The following ENTREP2 variants were observed in gnomAD, a reference collection of about 807,000 sequenced individuals.
ENTREP2 encodes the protein protein ENTREP2.
the ENTREP2 span, among the ~76,000 whole-genome samples, chr15:29,262,457 C>A: frequency 1.3e-5 from 2 of 152,218 alleles, no homozygotes; most frequent in African/African-American, 4.8e-5. Flanking sequence ...TTTGTCCAAT[C>A]ACATTTCTGC....
the ENTREP2 span, among the ~76,000 whole-genome samples, chr15:29,238,366 C>T: frequency 6.6e-6 from 1 of 152,148 alleles, no homozygotes; most frequent in African/African-American, 2.4e-5. Context: ...GGCGCGGTAG[C>T]TCACGCCTGT....
the ENTREP2 span, chr15:29,136,463 G>A: frequency 1.3e-6 from 2 of 1,548,434 alleles, no homozygotes; most frequent in East Asian, 4.9e-5. Flanking sequence ...GTCATACAAA[G>A]TGCCGAATGG....
chr15:29,511,883 A>T, the ENTREP2 span, among the ~76,000 whole-genome samples: 1 of 150,214 alleles, frequency 6.7e-6, no homozygotes, highest in African/African-American at 2.5e-5. Context: ...CTGACGTGTT[A>T]TCTATTGTAA....
the ENTREP2 span, among the ~76,000 whole-genome samples, chr15:29,607,498 C>T: frequency 6.6e-6 from 1 of 152,020 alleles, no homozygotes; most frequent in Non-Finnish European, 1.5e-5. Context: ...TGAGTTGTCA[C>T]TTCATTTCCA....
chr15:29,382,296 G>A, the ENTREP2 span, among the ~76,000 whole-genome samples: 1 of 151,654 alleles, frequency 6.6e-6, no homozygotes, highest in Admixed American at 6.6e-5. Flanking sequence ...AACACTATTT[G>A]GGGAAAAGGC....
At chr15:29,474,677 C>A in the ENTREP2 span, among the ~76,000 whole-genome samples, 4 of 152,098 alleles carry the variant, frequency 2.6e-5, no homozygotes, top group African/African-American at 9.7e-5. Flanking sequence ...GCCTCAGCCT[C>A]CCAAGTAGCT....
At chr15:29,233,889 T>C in the ENTREP2 span, 201 of 1,579,278 alleles carry the variant, frequency 1.3e-4, no homozygotes, top group Admixed American at 1.0e-3. Context: ...TGAGCTGACA[T>C]TGTAGAGGAT....
chr15:29,370,529 G>T, the ENTREP2 span, among the ~76,000 whole-genome samples: 1 of 151,952 alleles, frequency 6.6e-6, no homozygotes, highest in African/African-American at 2.4e-5. Context: ...TGAAAAATGA[G>T]AAATGTCATT....
chr15:29,609,294 A>C, the ENTREP2 span, among the ~76,000 whole-genome samples: 1 of 150,088 alleles, frequency 6.7e-6, no homozygotes, highest in Non-Finnish European at 1.5e-5. Context: ...CTATTGATGG[A>C]TATGTGGGTT....
chr15:29,529,537 G>A, the ENTREP2 span, among the ~76,000 whole-genome samples: 4 of 151,904 alleles, frequency 2.6e-5, no homozygotes, highest in Non-Finnish European at 5.9e-5. Context: ...TGGGGAACTG[G>A]GCTCTAGGCT....
chr15:29,315,418 T>G, the ENTREP2 span, among the ~76,000 whole-genome samples: 2 of 152,196 alleles, frequency 1.3e-5, no homozygotes, highest in Non-Finnish European at 2.9e-5. Flanking sequence ...CATTTGTCTA[T>G]GGTAATTTAG....
chr15:29,440,156 C>T, the ENTREP2 span, among the ~76,000 whole-genome samples: 1 of 152,032 alleles, frequency 6.6e-6, no homozygotes, highest in Non-Finnish European at 1.5e-5. Context: ...ACATGGTACC[C>T]TGGATAAAAA....
At chr15:29,567,359 G>A in the ENTREP2 span, among the ~76,000 whole-genome samples, 3 of 152,150 alleles carry the variant, frequency 2.0e-5, no homozygotes, top group Admixed American at 6.5e-5. Flanking sequence ...CATGTTTTAT[G>A]CTTTTCCTAA....
At chr15:29,461,402 TAA>T in the ENTREP2 span, among the ~76,000 whole-genome samples, 16 of 152,308 alleles carry the variant, frequency 1.1e-4, 1 homozygote, top group South Asian at 3.3e-3. Flanking sequence ...TCAAGAAAGG[TAA>T]TTTTTCATTT....
At chr15:29,529,887 G>A in the ENTREP2 span, among the ~76,000 whole-genome samples, 1 of 152,140 alleles carries the variant, frequency 6.6e-6, no homozygotes, top group Non-Finnish European at 1.5e-5. Context: ...AAAACCGAAG[G>A]TCAGAGAAGT....
chr15:29,456,419 C>A, the ENTREP2 span, among the ~76,000 whole-genome samples: 3 of 152,304 alleles, frequency 2.0e-5, no homozygotes, highest in Non-Finnish European at 2.9e-5. Flanking sequence ...AATCAAGAGA[C>A]AGACACAGTC....
chr15:29,462,055 T>C, the ENTREP2 span, among the ~76,000 whole-genome samples: 23 of 152,322 alleles, frequency 1.5e-4, no homozygotes, highest in African/African-American at 5.5e-4. Flanking sequence ...TCAAGGTTCA[T>C]CCATGGTGCA....
At chr15:29,173,528 T>C in the ENTREP2 span, among the ~76,000 whole-genome samples, 1 of 152,256 alleles carries the variant, frequency 6.6e-6, no homozygotes, top group South Asian at 2.1e-4. Flanking sequence ...CTCAAGTAGG[T>C]GAACCCCGGG....
chr15:29,457,827 C>T, the ENTREP2 span, among the ~76,000 whole-genome samples: 2 of 152,146 alleles, frequency 1.3e-5, no homozygotes, highest in Admixed American at 6.5e-5. Flanking sequence ...AAGGACCACA[C>T]GAACCCCAAA....
Sources: allele counts gnomAD v4.1 joint callset (sites outside exome capture counted in the v4.1 genomes callset), GRCh38; gene constraint gnomAD v4.1.1; transcripts MANE v1.5; gene names NCBI Gene and HGNC (gene_info 2026-07-23, HGNC 2026-07-21).